The following SEMA4D variants were observed in gnomAD, a reference collection of about 807,000 sequenced individuals.
SEMA4D encodes the protein semaphorin-4D.
A neutral mutation model predicts 74.8 loss-of-function variants in SEMA4D; 22 were observed. That is an observed-to-expected ratio of 0.29 (90% CI 0.21 to 0.42). The LOEUF is 0.42. SEMA4D is among the 10% of genes least tolerant of loss of function. SEMA4D has a pLI of 1.00. For missense variants in SEMA4D, 937 were observed against 1,118.4 expected, an observed-to-expected ratio of 0.84 and a Z score of 2.31; for synonymous variants, 445 against 463.7, an observed-to-expected ratio of 0.96 and a Z score of 0.52.
intron 2 of SEMA4D, among the ~76,000 whole-genome samples, chr9:89,453,307 A>G (rs1484454068): frequency 6.6e-6 from 1 of 152,228 alleles, no homozygotes; most frequent in African/African-American, 2.4e-5. Flanking sequence ...ACCAAACTCA[A>G]AGGAATTCAC....
intron 2 of SEMA4D, chr9:89,418,929 C>G (rs1209011122): frequency 6.6e-6 from 1 of 151,966 alleles, no homozygotes; most frequent in Non-Finnish European, 1.5e-5. Context: ...GATCACGGCT[C>G]TTTTTTTGAA....
intron 8 of SEMA4D, 125 bp from the exon 9 acceptor site, chr9:89,391,540 G>T: frequency 1.2e-6 from 1 of 849,830 alleles, no homozygotes; most frequent in Non-Finnish European, 1.9e-6. Context: ...GATGTCTGGA[G>T]TGTGCACATG....
In SEMA4D at chr9:89,364,126, A is replaced by AGCCTTG. The variant is rs946542472; in HGVS notation, c.1883-182_1883-177dup. 8 of 1,375,656 alleles carry AGCCTTG rather than the reference A, an allele frequency of 5.8e-6. No homozygotes were observed. In the East Asian group the frequency reaches 1.5e-4, roughly 25 times the overall value. The allele number at this position is 1,375,656 out of a possible 1,614,324, so 85.2% of individuals were successfully genotyped here. A position where few individuals can be genotyped will look rare whatever the true frequency, so the allele number is the denominator to read the frequency against. On this transcript the variant is annotated intron_variant, in intron 16 of 18. Transcript: ENST00000339861. Reference sequence around the variant, plus strand: ...AGGTGGCTTCCCCATGGCCAGCGGGAGCCTTGGCCTTGGCCCGTCCTGTGG... The same window carrying AGCCTTG: ...AGGTGGCTTCCCCATGGCCAGCGGGAGCCTTGGCCTTGGCCTTGGCCCGTCCTGTGG...
intron 1 of SEMA4D, among the ~76,000 whole-genome samples, chr9:89,491,004 A>G (rs1825581511): frequency 6.6e-6 from 1 of 152,224 alleles, no homozygotes. Flanking sequence ...CCTGGTCTAT[A>G]TCCTGATTAT....
chr9:89,487,127 A>G (rs1313624548), intron 1 of SEMA4D, among the ~76,000 whole-genome samples: 1 of 150,496 alleles, frequency 6.6e-6, no homozygotes, highest in Non-Finnish European at 1.5e-5. Context: ...CAGCAAATCA[A>G]ATCCAGCAAT....
rs764621102 is a variant in SEMA4D at position 89,388,964 on chromosome 9, G to A, written c.858C>T (p.Ser286=). 7.4e-6 allele frequency: 12 copies of A among 1,614,036 alleles called. No individual in the cohort carries two copies. The highest frequency in any genetic ancestry group is 6.7e-5 in the East Asian group (3 of 44,896). ...KARLICSRPD[S]GLVFNVLRDV... ...CCCGCAGCACATTGAAGACCAAGCC[G>A]CTGTCTGGCCGGGAGCAGATGAGTC... is the stretch of plus-strand genomic sequence containing the variant. The change falls in exon 10 of 16, where the codon AGC becomes AGT. Residue 286 remains serine, a synonymous_variant. Transcript: ENST00000422704.
rs190961807 is a variant in SEMA4D at position 89,443,559 on chromosome 9, C to T, written c.-244+12329G>A. 3.5e-3 allele frequency among the ~76,000 whole-genome samples: 536 copies of T among 152,368 alleles called. 4 individuals carry two copies. Among genetic ancestry groups the T allele is most frequent in the African/African-American group, 0.012 (517 of 41,588 alleles). On this transcript the variant is annotated intron_variant, in intron 2 of 15. Transcript: ENST00000422704. ...GGAAGCAGGTCCGGCCAGCAGCAGC[C>T]GCCAGAGGAGGATCTGCCTGGGGTA...
At chr9:89,363,774 T>A in exon 17 of SEMA4D, 2 of 1,613,710 alleles carry the variant, frequency 1.2e-6, no homozygotes, top group South Asian at 2.2e-5. Flanking sequence ...ACCTTCGAAG[T>A]CTTGTTCCCT....
intron 2 of SEMA4D, chr9:89,449,801 G>C (rs141478290): frequency 4.7e-6 from 7 of 1,492,922 alleles, no homozygotes; most frequent in African/African-American, 4.1e-5. Flanking sequence ...CCAGCATTTT[G>C]GTAAATAACT....
At chr9:89,393,839 T>A (rs1304114624) in intron 6 of SEMA4D, among the ~76,000 whole-genome samples, 184 bp from the exon 7 acceptor site, 1 of 152,232 alleles carries the variant, frequency 6.6e-6, no homozygotes, top group Admixed American at 6.5e-5. Flanking sequence ...TCAGCTCAGG[T>A]CTAGACATCA....
chr9:89,378,900 C>G lies in SEMA4D; in HGVS notation c.2393G>C (p.Ser798Thr). 1 of 1,614,208 alleles carries G rather than the reference C, an allele frequency of 6.2e-7. No individual in the cohort carries two copies. Among genetic ancestry groups the G allele is most frequent in the Non-Finnish European group, 8.5e-7 (1 of 1,180,046 alleles). The change falls in exon 16 of 16, where the codon AGC (serine) becomes ACC (threonine). Residue 798 changes from serine (S) to threonine (T), a missense_variant. Transcript: ENST00000422704. ...GTGCTCCCCATTCTGCTGGGAGAAGCTCCCTGGCTCTACTAACGTCTCCTT... is the reference window on the plus strand; with the variant it reads ...GTGCTCCCCATTCTGCTGGGAGAAGGTCCCTGGCTCTACTAACGTCTCCTT... ...SLKETLVEPG[S>T]FSQQNGEHPK...
chr9:89,386,552 G>T, intron 12 of SEMA4D, 70 bp from the exon 13 acceptor site: 3 of 958,262 alleles, frequency 3.1e-6, no homozygotes, highest in Non-Finnish European at 5.0e-6. Context: ...GACCACAGCG[G>T]CAAACTTCAC....
chr9:89,470,707 C>T (rs1261045481), intron 1 of SEMA4D, among the ~76,000 whole-genome samples: 2 of 151,616 alleles, frequency 1.3e-5, no homozygotes, highest in South Asian at 2.1e-4. Context: ...ATGGACTTAC[C>T]GAGGGACAAA....
intron 4 of SEMA4D, among the ~76,000 whole-genome samples, chr9:89,401,148 G>A (rs1291585584): frequency 2.6e-5 from 4 of 151,988 alleles, no homozygotes; most frequent in African/African-American, 2.4e-5. Context: ...TCGACCTCCT[G>A]GGCTCAAGTG....
intron 2 of SEMA4D, among the ~76,000 whole-genome samples, chr9:89,431,467 T>C (rs962031222): frequency 6.6e-6 from 1 of 152,264 alleles, no homozygotes; most frequent in Non-Finnish European, 1.5e-5. Context: ...TTTTTCAGTA[T>C]TGTTCTCCCA....
At chr9:89,363,067 T>A (rs2132187574) in intron 18 of SEMA4D, among the ~76,000 whole-genome samples, 1 of 152,324 alleles carries the variant, frequency 6.6e-6, no homozygotes, top group South Asian at 2.1e-4. Flanking sequence ...GGGTTCCCCA[T>A]CTGTCCAGGT....
At chr9:89,385,299 T>C in intron 13 of SEMA4D, 1 of 985,390 alleles carries the variant, frequency 1.0e-6, no homozygotes, top group Non-Finnish European at 1.2e-6. Context: ...GGGCCCAATC[T>C]TCATTCTAAT....
At chr9:89,372,873 C>G (rs930130693), downstream of SEMA4D, among the ~76,000 whole-genome samples, 62 of 152,190 alleles carry the variant, frequency 4.1e-4, no homozygotes, top group African/African-American at 1.4e-3. Flanking sequence ...CCCATCCTGC[C>G]CCAGGGACAA....
chr9:89,458,898 G>A (rs556329806), intron 1 of SEMA4D, among the ~76,000 whole-genome samples: 24 of 150,372 alleles, frequency 1.6e-4, no homozygotes, highest in African/African-American at 4.1e-4. Context: ...GTACCTATAC[G>A]CACACTCATA....
Sources: allele counts gnomAD v4.1 joint callset (sites outside exome capture counted in the v4.1 genomes callset), GRCh38; gene constraint gnomAD v4.1.1; transcripts MANE v1.5; gene names NCBI Gene and HGNC (gene_info 2026-07-23, HGNC 2026-07-21).